The following HTN1 variants were observed in gnomAD, a reference collection of about 807,000 sequenced individuals.
HTN1 encodes the protein histatin-1.
A neutral mutation model predicts 11.2 loss-of-function variants in HTN1; 18 were observed. That is an observed-to-expected ratio of 1.61 (90% CI 1.12 to 2.39). The LOEUF (loss-of-function observed/expected upper bound fraction) is 2.39. Ranked by LOEUF, HTN1 falls within the 30% of genes most tolerant of loss-of-function variation. HTN1 has a pLI of 0.00. For missense variants in HTN1, 80 were observed against 67.2 expected, an observed-to-expected ratio of 1.19 and a Z score of -0.67; for synonymous variants, 21 against 20.5, an observed-to-expected ratio of 1.02 and a Z score of -0.07.
intron 1 of HTN1, among the ~76,000 whole-genome samples, chr4:70,052,534 T>A (rs982993963): frequency 3.3e-5 from 5 of 152,158 alleles, no homozygotes; most frequent in Non-Finnish European, 7.4e-5. Flanking sequence ...TTCCATATAA[T>A]CCAACTCAAG....
chr4:70,055,760 T>A, intron 5 of HTN1, 158 bp downstream of exon 5: 1 of 518,892 alleles, frequency 1.9e-6, no homozygotes, highest in Non-Finnish European at 3.5e-6. Context: ...GCTGTAGATA[T>A]GTGGTGTTAT....
chr4:70,051,771 A>C lies in HTN1; in HGVS notation c.-14+1276A>C, dbSNP rs141111743. Among the ~76,000 whole-genome samples, 386 of 152,242 alleles carry C rather than the reference A, an allele frequency of 2.5e-3. 1 individual carries two copies. Among genetic ancestry groups the C allele is most frequent in the African/African-American group, 8.6e-3 (359 of 41,574 alleles). On this transcript the variant is annotated intron_variant, in intron 1 of 5. Transcript: ENST00000246896. ...TTGGGTTCTGCTTTTCATGATAGAG[A>C]TGTAGGGCTGTTTAAGAGCAGGACA... is the stretch of plus-strand genomic sequence containing the variant.
rs1726104674 is a variant in HTN1 at position 70,058,669 on chromosome 4, G to A, written c.*123G>A. On this transcript the variant is annotated 3_prime_UTR_variant, in exon 6 of 6. Transcript: ENST00000246896. ...CTGCTTTTTGAAGAATTATCATAAG[G>A]CAATGGAGAATAAAAGAAAGACCAT... 6.6e-6 allele frequency: 1 copy of A among 151,992 alleles called. No individual in the cohort carries two copies. Among genetic ancestry groups the A allele is most frequent in the African/African-American group, 2.4e-5 (1 of 41,394 alleles). The allele number at this position is 151,992 out of a possible 1,614,324, so 9.4% of individuals were successfully genotyped here. A position where few individuals can be genotyped will look rare whatever the true frequency, so the allele number is the denominator to read the frequency against.
intron 4 of HTN1, 67 bp from the exon 5 acceptor site, chr4:70,055,431 T>C (rs1409234325): frequency 1.7e-6 from 2 of 1,143,058 alleles, no homozygotes; most frequent in Non-Finnish European, 2.6e-6. Context: ...ATGACAGTTT[T>C]TGAGAAACAC....
intron 5 of HTN1, 183 bp downstream of exon 5, chr4:70,055,785 T>C (rs1726024227): frequency 2.1e-6 from 1 of 466,172 alleles, no homozygotes; most frequent in African/African-American, 2.0e-5. Context: ...GAGGTCTCTG[T>C]TCTGTGCCAT....
chr4:70,058,005 A>G (rs1341721888), intron 5 of HTN1: 1 of 152,310 alleles, frequency 6.6e-6, no homozygotes, highest in East Asian at 1.9e-4. Flanking sequence ...AGTTTTATTT[A>G]TCTATATTCA....
chr4:70,054,524 A>G (rs1725985694), intron 4 of HTN1, 74 bp downstream of exon 4: 1 of 954,070 alleles, frequency 1.0e-6, no homozygotes, highest in Non-Finnish European at 1.6e-6. Context: ...AGAAGAATCA[A>G]TAGTTGTCTC....
At chr4:70,055,676 C>A in intron 5 of HTN1, 74 bp downstream of exon 5, 1 of 688,584 alleles carries the variant, frequency 1.5e-6, no homozygotes, top group Non-Finnish European at 2.5e-6. Context: ...CATAAGCTAA[C>A]AACCATTCCA....
intron 5 of HTN1, chr4:70,056,899 A>T (rs1236542269): frequency 6.6e-6 from 1 of 152,216 alleles, no homozygotes; most frequent in Admixed American, 6.5e-5. Flanking sequence ...GATGCAGGTG[A>T]TGCTGTGGAG....
chr4:70,052,112 T>C (rs1725909537), intron 1 of HTN1, among the ~76,000 whole-genome samples: 1 of 152,142 alleles, frequency 6.6e-6, no homozygotes, highest in East Asian at 1.9e-4. Context: ...TGTTGAATAA[T>C]ATTATTTGAA....
chr4:70,051,096 A>G (rs1578182181), intron 1 of HTN1, among the ~76,000 whole-genome samples: 1 of 151,774 alleles, frequency 6.6e-6, no homozygotes, highest in Middle Eastern at 3.4e-3. Context: ...CTAGATACCT[A>G]ATATCTACTT....
At chr4:70,055,725 A>T (rs1726022627) in intron 5 of HTN1, 123 bp downstream of exon 5, 1 of 574,716 alleles carries the variant, frequency 1.7e-6, no homozygotes, top group African/African-American at 1.9e-5. Context: ...CTTGAAGTGT[A>T]TTCATTTGTA....
intron 4 of HTN1, among the ~76,000 whole-genome samples, chr4:70,054,722 A>G (rs1232451329): frequency 1.3e-5 from 2 of 152,034 alleles, no homozygotes; most frequent in African/African-American, 4.8e-5. Flanking sequence ...AATTTCATTG[A>G]CCTAAAGAAT....
chr4:70,055,172 C>T (rs2109729505), intron 4 of HTN1, among the ~76,000 whole-genome samples: 1 of 152,020 alleles, frequency 6.6e-6, no homozygotes, highest in Admixed American at 6.6e-5. Flanking sequence ...CCATAATACT[C>T]AATAGTGAGC....
chr4:70,052,406 C>G (rs1300002449), intron 1 of HTN1, among the ~76,000 whole-genome samples: 1 of 152,124 alleles, frequency 6.6e-6, no homozygotes, highest in Non-Finnish European at 1.5e-5. Context: ...TCACAACAAC[C>G]TAAGTGGTCA....
rs143135453 is a variant in HTN1 at position 70,052,912 on chromosome 4, G to T, written c.-13-152G>T. On this transcript the variant is annotated intron_variant, in intron 1 of 5. Coordinates refer to ENST00000246896, the MANE Select transcript of HTN1 (RefSeq NM_002159.4). The stretch of plus-strand genomic sequence containing the variant: ...GGATGGCTTGAGACCAGATGGTCCA[G>T]GCTGCAGTGATCTGTGCTCATGCCC... 4.6e-4 allele frequency: 284 copies of T among 613,334 alleles called. 1 individual carries two copies. In the African/African-American group the frequency reaches 4.7e-3, roughly 10 times the overall value. 38.0% of individuals were successfully genotyped at this position (613,334 alleles called of 1,614,324 possible). A position where few individuals can be genotyped will look rare whatever the true frequency, so the allele number is the denominator to read the frequency against.
intron 5 of HTN1, chr4:70,058,147 A>C (rs1424072106): frequency 6.6e-6 from 1 of 152,142 alleles, no homozygotes; most frequent in African/African-American, 2.4e-5. Context: ...AATATTTTTT[A>C]ATGTATTGGG....
rs1007649363 is a variant in HTN1 at position 70,055,541 on chromosome 4, A to G, written c.146A>G (p.Tyr49Cys). The change falls in exon 5 of 6, where the codon TAT becomes TGT. Residue 49 changes from tyrosine (Y) to cysteine (C), a missense_variant. Coordinates refer to ENST00000246896, the MANE Select transcript of HTN1 (RefSeq NM_002159.4). ...CGAGAATTTCCATTTTATGGGGACT[A>G]TGGATCAAATTATCTATATGACAAT... Reference protein sequence around the residue: ...SHREFPFYGDYGSNYLYDN With the variant: ...SHREFPFYGDCGSNYLYDN 2.5e-6 allele frequency: 4 copies of G among 1,594,338 alleles called. No homozygotes were observed. The highest frequency in any genetic ancestry group is 1.3e-5 in the African/African-American group (1 of 74,472).
chr4:70,050,801 C>T (rs570316628), intron 1 of HTN1, among the ~76,000 whole-genome samples: 12 of 152,084 alleles, frequency 7.9e-5, no homozygotes, highest in East Asian at 7.7e-4. Context: ...TTCTGGGATA[C>T]GTGTGCAGGA....
Sources: allele counts gnomAD v4.1 joint callset (sites outside exome capture counted in the v4.1 genomes callset), GRCh38; gene constraint gnomAD v4.1.1; transcripts MANE v1.5; gene names NCBI Gene and HGNC (gene_info 2026-07-23, HGNC 2026-07-21).